RABGAP1L: variants seen among roughly 807,000 people sequenced by gnomAD.
RABGAP1L encodes the protein rab GTPase-activating protein 1-like.
RABGAP1L carries 63 observed loss-of-function variants against 137.7 expected under a neutral mutation model. The observed-to-expected ratio is 0.46, with a 90% CI of 0.37 to 0.56. The LOEUF (loss-of-function observed/expected upper bound fraction) is 0.56. Ranked by LOEUF, RABGAP1L falls within the 20% of genes least tolerant of loss-of-function variation. The pLI, the probability that RABGAP1L is intolerant of heterozygous loss-of-function variation, is 0.00. For synonymous variants in RABGAP1L, 431 were observed against 433.7 expected (o/e 0.99, Z 0.08); for missense variants, 1,095 against 1,244.0 (o/e 0.88, Z 1.80).
chr1:174,439,030 A>G (rs1232236554), intron 13 of RABGAP1L, among the ~76,000 whole-genome samples: 1 of 151,146 alleles, frequency 6.6e-6, no homozygotes, highest in East Asian at 1.9e-4. Flanking sequence ...GCACAATTAT[A>G]TCTTCCTTTT....
At chr1:174,248,737 G>T (rs868636573) in intron 5 of RABGAP1L, among the ~76,000 whole-genome samples, 5 of 152,308 alleles carry the variant, frequency 3.3e-5, no homozygotes, top group Middle Eastern at 3.4e-3. Context: ...TACTTTAACA[G>T]ACTCTTCTGT....
intron 19 of RABGAP1L, among the ~76,000 whole-genome samples, chr1:174,878,263 A>G (rs1206648646): frequency 1.3e-5 from 2 of 152,204 alleles, no homozygotes; most frequent in Middle Eastern, 3.4e-3. Flanking sequence ...TTTCGCTCCT[A>G]TTGCCCAGGT....
At chr1:174,675,143 T>G (rs1677513513) in intron 14 of RABGAP1L, among the ~76,000 whole-genome samples, 1 of 152,238 alleles carries the variant, frequency 6.6e-6, no homozygotes, top group South Asian at 2.1e-4. Context: ...TTTTGGTGTT[T>G]TAGACATGAA....
At position 174,443,748 on chromosome 1, in the gene RABGAP1L, C is replaced by G. The variant is rs1199950856; in HGVS notation, c.1710+49603C>G. ...GCTTTTGAGGTCTTACTCAAGTAGT[C>G]TTTGCCAAAACCAATGTCCTGAAGC... is the stretch of plus-strand genomic sequence containing the variant. On this transcript the variant is annotated intron_variant, in intron 13 of 25. Coordinates refer to ENST00000681986, the MANE Select transcript of RABGAP1L (RefSeq NM_001366446.1). Among the ~76,000 whole-genome samples, 2 of 151,992 alleles carry G rather than the reference C, an allele frequency of 1.3e-5. 1 individual carries two copies. Among genetic ancestry groups the G allele is most frequent in the African/African-American group, 4.8e-5 (2 of 41,408 alleles).
At chr1:174,697,427 T>A (rs1330364260) in intron 15 of RABGAP1L, among the ~76,000 whole-genome samples, 2 of 151,996 alleles carry the variant, frequency 1.3e-5, no homozygotes, top group Non-Finnish European at 2.9e-5. Flanking sequence ...GTCAAGCAGT[T>A]CTCCTGCCTC....
At chr1:174,833,368 TTGTGTGTGTGTGTGTGTGTGTGTGTGTG>T (rs71117578) in intron 19 of RABGAP1L, among the ~76,000 whole-genome samples, 8 of 108,544 alleles carry the variant, frequency 7.4e-5, no homozygotes, top group South Asian at 3.5e-4. Context: ...ACCAGCTAAT[TTGTGTGTGTGTGTGTGTGTGTGTGTGTG>T]TGTGTATGTG....
chr1:174,924,005 G>C (rs760207777), intron 19 of RABGAP1L, among the ~76,000 whole-genome samples: 2 of 152,122 alleles, frequency 1.3e-5, no homozygotes, highest in Non-Finnish European at 2.9e-5. Context: ...ATTAGGAGAT[G>C]CAAATATGAC....
chr1:174,717,793 T>C (rs1159745160), intron 17 of RABGAP1L, among the ~76,000 whole-genome samples: 1 of 152,226 alleles, frequency 6.6e-6, no homozygotes, highest in African/African-American at 2.4e-5. Context: ...GTACTGCTGG[T>C]TCTATGAGAG....
At chr1:174,924,376 A>G (rs1662335549) in intron 19 of RABGAP1L, among the ~76,000 whole-genome samples, 1 of 103,268 alleles carries the variant, frequency 9.7e-6, no homozygotes. Context: ...ACAGAGCAAG[A>G]CTCTGTCTCA....
intron 12 of RABGAP1L, among the ~76,000 whole-genome samples, chr1:174,376,452 A>G (rs989506554): frequency 6.6e-6 from 1 of 152,236 alleles, no homozygotes; most frequent in African/African-American, 2.4e-5. Flanking sequence ...GTCCTAGCAT[A>G]TCAAATCCAA....
chr1:174,761,435 A>T lies in RABGAP1L; in HGVS notation c.2211+9081A>T, dbSNP rs1452151107. ...GCACGGCCAGGCAGAGGCGCTCCTC[A>T]GTTTTCAGACGGTGCAGCCGCCAGG... On this transcript the variant is annotated intron_variant, in intron 18 of 25. Transcript: ENST00000681986. The surrounding 1 kb of genome is among the most constrained non-coding windows in gnomAD (Gnocchi z 4.0). Among the ~76,000 whole-genome samples, 3 of 152,056 alleles carry T rather than the reference A, an allele frequency of 2.0e-5. No individual in the cohort carries two copies. Among genetic ancestry groups the T allele is most frequent in the Non-Finnish European group, 4.4e-5 (3 of 68,000 alleles).
intron 20 of RABGAP1L, chr1:174,958,020 A>G (rs1186597631): frequency 1.0e-5 from 16 of 1,534,716 alleles, no homozygotes; most frequent in Non-Finnish European, 1.4e-5. Flanking sequence ...GAAAAATGGC[A>G]AAGTACTGTT....
At chr1:174,606,061 A>G (rs998334568) in intron 13 of RABGAP1L, among the ~76,000 whole-genome samples, 2 of 152,162 alleles carry the variant, frequency 1.3e-5, no homozygotes, top group African/African-American at 2.4e-5. Flanking sequence ...ACTAGATCCT[A>G]TTTAGACATG....
Position 174,982,841 on chromosome 1 carries a change from C to A in RABGAP1L, c.2741C>A (p.Ser914Ter). 1 of 1,550,244 alleles carries A rather than the reference C, an allele frequency of 6.5e-7. No homozygotes were observed. The highest frequency in any genetic ancestry group is 1.2e-5 in the South Asian group (1 of 84,014). The change falls in exon 24 of 26, where the codon TCG becomes TAG. Residue 914 changes from serine to a stop codon, truncating the protein, a stop_gained. Transcript: ENST00000681986. LOFTEE classifies it high-confidence loss of function. ...AIIAEYKQIC[S>*]QLSTRLEKQQ... ...CTCTTTTCTCATCCTTAGATCTGTTCGCAGTTGAGTACCAGGCTGGAGAAA... is the reference window on the plus strand; with the variant it reads ...CTCTTTTCTCATCCTTAGATCTGTTAGCAGTTGAGTACCAGGCTGGAGAAA...
At chr1:174,656,688 G>A (rs1478077878) in intron 14 of RABGAP1L, among the ~76,000 whole-genome samples, 1 of 152,122 alleles carries the variant, frequency 6.6e-6, no homozygotes, top group African/African-American at 2.4e-5. Context: ...GTTTGTTGTG[G>A]CAGTTGTTTG....
intron 19 of RABGAP1L, among the ~76,000 whole-genome samples, chr1:174,820,888 G>T (rs561616226): frequency 6.6e-6 from 1 of 152,018 alleles, no homozygotes; most frequent in African/African-American, 2.4e-5. Context: ...ATGGTGGCAC[G>T]TGCCTATAAT....
intron 11 of RABGAP1L, among the ~76,000 whole-genome samples, chr1:174,335,491 T>C (rs2148876388): frequency 6.6e-6 from 1 of 152,354 alleles, no homozygotes; most frequent in Non-Finnish European, 1.5e-5. Flanking sequence ...TTAAAGGGCA[T>C]TAATTTGAAT....
chr1:174,503,577 C>T (rs962261745), intron 13 of RABGAP1L, among the ~76,000 whole-genome samples: 1 of 149,464 alleles, frequency 6.7e-6, no homozygotes, highest in African/African-American at 2.5e-5. Flanking sequence ...AGGAGAATTG[C>T]CTGAACTCGG....
intron 2 of RABGAP1L, among the ~76,000 whole-genome samples, chr1:174,220,541 G>A (rs1438030515): frequency 2.0e-5 from 3 of 152,000 alleles, no homozygotes; most frequent in South Asian, 2.1e-4. Flanking sequence ...GGTCGTGCAC[G>A]CCTGTAGTCC....
Sources: allele counts gnomAD v4.1 joint callset (sites outside exome capture counted in the v4.1 genomes callset), GRCh38; gene constraint gnomAD v4.1.1; non-coding constraint Gnocchi (gnomAD v3.1); transcripts MANE v1.5; gene names NCBI Gene and HGNC (gene_info 2026-07-23, HGNC 2026-07-21).